Variants in BCKDHB observed in about 807,000 individuals in gnomAD.
BCKDHB encodes the protein 2-oxoisovalerate dehydrogenase subunit beta, mitochondrial.
Under a neutral mutation model 48.5 loss-of-function variants are expected in BCKDHB, and 41 were observed. The observed-to-expected ratio is 0.85, with a 90% CI of 0.66 to 1.10. BCKDHB has a LOEUF of 1.10. Among genes scored for constraint, BCKDHB ranks in the 50% least tolerant of loss-of-function variants. BCKDHB has a pLI of 0.00. For missense variants in BCKDHB, 496 were observed against 494.2 expected (o/e 1.00, Z -0.03); for synonymous variants, 201 against 174.8 (o/e 1.15, Z -1.18).
At chr6:80,352,595 C>A in the BCKDHB span, among the ~76,000 whole-genome samples, 5 of 152,168 alleles carry the variant, frequency 3.3e-5, no homozygotes, top group African/African-American at 9.7e-5. Context: ...TTCAACCATT[C>A]TAATAGTTTG....
chr6:80,304,140 AAC>A (rs1433269287), intron 9 of BCKDHB, among the ~76,000 whole-genome samples: 1 of 152,152 alleles, frequency 6.6e-6, no homozygotes, highest in Non-Finnish European at 1.5e-5. Context: ...TGAAAATTCG[AAC>A]ACAGTATAAG....
the BCKDHB span, among the ~76,000 whole-genome samples, chr6:80,397,880 AAACAAACC>A: frequency 5.3e-5 from 8 of 152,190 alleles, no homozygotes; most frequent in African/African-American, 1.7e-4. Flanking sequence ...TCTGTCTCAA[AAACAAACC>A]AACAAACCAA....
intron 3 of BCKDHB, among the ~76,000 whole-genome samples, chr6:80,137,560 A>G (rs1412963065): frequency 6.6e-6 from 1 of 152,162 alleles, no homozygotes; most frequent in Non-Finnish European, 1.5e-5. Context: ...ATACCATTTA[A>G]GAAAATAAGA....
chr6:80,149,962 A>G (rs912646183), intron 3 of BCKDHB, among the ~76,000 whole-genome samples: 1 of 141,306 alleles, frequency 7.1e-6, no homozygotes, highest in East Asian at 2.1e-4. Context: ...CATGTACCCT[A>G]AAACTTAAAG....
At chr6:80,225,950 T>C (rs1180123152) in intron 8 of BCKDHB, among the ~76,000 whole-genome samples, 1 of 152,220 alleles carries the variant, frequency 6.6e-6, no homozygotes, top group Admixed American at 6.5e-5. Flanking sequence ...CTGTGCTTTA[T>C]TAGATGCTCT....
At chr6:80,383,690 G>A in the BCKDHB span, among the ~76,000 whole-genome samples, 1 of 151,626 alleles carries the variant, frequency 6.6e-6, no homozygotes, top group Non-Finnish European at 1.5e-5. Flanking sequence ...TTAATCAGTA[G>A]TACATTCATA....
downstream of BCKDHB, among the ~76,000 whole-genome samples, chr6:80,349,471 A>G (rs9350851): frequency 0.41 from 62,161 of 152,152 alleles, 15,432 homozygotes; most frequent in Admixed American, 0.57. Context: ...AAAGTCAAAC[A>G]TAAGACATAA....
At chr6:80,197,795 C>T (rs746257083) in intron 6 of BCKDHB, among the ~76,000 whole-genome samples, 8 of 152,150 alleles carry the variant, frequency 5.3e-5, no homozygotes, top group African/African-American at 1.9e-4. Context: ...TGCATTTTTC[C>T]GATGTCATCA....
chr6:80,418,188 T>C, the BCKDHB span, among the ~76,000 whole-genome samples: 2 of 151,776 alleles, frequency 1.3e-5, no homozygotes, highest in Non-Finnish European at 2.9e-5. Context: ...ATCAGGTCGT[T>C]TGTTTTACCA....
chr6:80,252,211 G>GTTT (rs1455267157), intron 8 of BCKDHB, among the ~76,000 whole-genome samples: 1 of 152,178 alleles, frequency 6.6e-6, no homozygotes, highest in Non-Finnish European at 1.5e-5. Flanking sequence ...TGATTGCAAA[G>GTTT]TCTATGCTGA....
intron 6 of BCKDHB, among the ~76,000 whole-genome samples, chr6:80,191,441 A>C (rs1773890160): frequency 6.6e-6 from 1 of 152,140 alleles, no homozygotes; most frequent in African/African-American, 2.4e-5. Context: ...AGGGACTTAC[A>C]TTACCAAAAG....
the BCKDHB span, among the ~76,000 whole-genome samples, chr6:80,385,601 A>C: frequency 6.6e-6 from 1 of 152,142 alleles, no homozygotes; most frequent in Non-Finnish European, 1.5e-5. Flanking sequence ...GCCTGAGGCA[A>C]CAGTGATGGC....
At chr6:80,136,159 C>CT (rs1770872657) in intron 3 of BCKDHB, among the ~76,000 whole-genome samples, 1 of 152,058 alleles carries the variant, frequency 6.6e-6, no homozygotes, top group Admixed American at 6.6e-5. Flanking sequence ...AGTGTCACTG[C>CT]TTTTTTAATT....
At chr6:80,188,865 G>C (rs749314473) in intron 6 of BCKDHB, among the ~76,000 whole-genome samples, 4 of 152,184 alleles carry the variant, frequency 2.6e-5, no homozygotes, top group Non-Finnish European at 5.9e-5. Context: ...CATTGATGGG[G>C]TGGTTCAGAT....
chr6:80,279,277 C>T (rs1420394797), intron 9 of BCKDHB, among the ~76,000 whole-genome samples: 1 of 152,062 alleles, frequency 6.6e-6, no homozygotes, highest in Non-Finnish European at 1.5e-5. Context: ...CCTCAGCCTC[C>T]CAAGTAGCTG....
chr6:80,355,463 T>G, the BCKDHB span: 3 of 151,646 alleles, frequency 2.0e-5, no homozygotes, highest in East Asian at 5.8e-4. Context: ...TTACACTCCT[T>G]CTATTAAAGC....
At chr6:80,446,997 C>A in the BCKDHB span, among the ~76,000 whole-genome samples, 1 of 152,060 alleles carries the variant, frequency 6.6e-6, no homozygotes, top group African/African-American at 2.4e-5. Flanking sequence ...AGTTTTTAAT[C>A]AAGGTGAACT....
At chr6:80,413,647 G>A in the BCKDHB span, among the ~76,000 whole-genome samples, 1 of 152,190 alleles carries the variant, frequency 6.6e-6, no homozygotes, top group Non-Finnish European at 1.5e-5. Context: ...CGTTATGCCT[G>A]CATAGTATTC....
At chr6:80,173,802 CTTTTTTT>C (rs66729845) in intron 6 of BCKDHB, among the ~76,000 whole-genome samples, 10 of 137,318 alleles carry the variant, frequency 7.3e-5, no homozygotes, top group Admixed American at 1.4e-4. Context: ...TCTACTTTTC[CTTTTTTT>C]TTTTTTTTGG....
Sources: gnomAD v4.1 joint callset for allele counts (sites outside exome capture counted in the v4.1 genomes callset) on GRCh38, gnomAD v4.1.1 for gene constraint, MANE v1.5 for transcripts, NCBI Gene and HGNC (gene_info 2026-07-23, HGNC 2026-07-21) for gene names.